Variants in COL24A1 observed in about 807,000 individuals in gnomAD.
COL24A1 encodes collagen type XXIV alpha 1 chain.
Under a neutral mutation model 253.9 loss-of-function variants are expected in COL24A1, and 224 were observed. The observed-to-expected ratio is 0.88, with a 90% CI of 0.79 to 0.99. The LOEUF (loss-of-function observed/expected upper bound fraction) is 0.99. Ranked by LOEUF, COL24A1 falls within the 50% of genes least tolerant of loss-of-function variation. The pLI, the probability that COL24A1 is intolerant of heterozygous loss-of-function variation, is 0.00. For synonymous variants in COL24A1, 685 were observed against 673.7 expected, an observed-to-expected ratio of 1.02 and a Z score of -0.26; for missense variants, 2,131 against 2,068.5, an observed-to-expected ratio of 1.03 and a Z score of -0.59.
At chr1:86,036,535 A>G (rs1241378891) in intron 12 of COL24A1, among the ~76,000 whole-genome samples, 1 of 152,100 alleles carries the variant, frequency 6.6e-6, no homozygotes, top group Non-Finnish European at 1.5e-5. Context: ...CATCATACCA[A>G]TGTTTTATAT....
chr1:85,756,406 AAG>A (rs1301919912), intron 55 of COL24A1, among the ~76,000 whole-genome samples: 63 of 152,052 alleles, frequency 4.1e-4, no homozygotes, highest in Non-Finnish European at 1.2e-4. Context: ...GCAACACAGC[AAG>A]AGTCTGTCTC....
At chr1:85,933,095 A>G (rs1687925141) in intron 24 of COL24A1, among the ~76,000 whole-genome samples, 2 of 92,556 alleles carry the variant, frequency 2.2e-5, no homozygotes, top group Admixed American at 9.8e-5. Context: ...AATAAAAAAA[A>G]AAAAAAGAAA....
At chr1:86,023,047 A>G (rs1462971786) in intron 14 of COL24A1, 40 bp from the exon 15 acceptor site, 3 of 1,578,646 alleles carry the variant, frequency 1.9e-6, no homozygotes, top group Non-Finnish European at 2.6e-6. Context: ...TTAAGCATTC[A>G]TTAGGATTAG....
intron 43 of COL24A1, among the ~76,000 whole-genome samples, chr1:85,825,066 C>T (rs898886951): frequency 4.1e-5 from 6 of 145,426 alleles, no homozygotes; most frequent in African/African-American, 7.6e-5. Context: ...AATGCTATCC[C>T]TCTCCCCTCC....
Position 85,819,026 on chromosome 1 carries a change from G to C in COL24A1, c.3790-939C>G, listed in dbSNP as rs1046896935. Among the ~76,000 whole-genome samples the C allele has an allele frequency of 2.0e-5, 3 of 152,182 alleles. No individual in the cohort carries two copies. In the South Asian group the frequency reaches 6.2e-4, roughly 31 times the overall value. On this transcript the variant is annotated intron_variant, in intron 45 of 59. Transcript: ENST00000370571. ...TAGTATATGTTGTCACAGAGAAAAA[G>C]AGCATCTTCTCTAAGAGATAAAAAT...
At chr1:85,785,734 G>A (rs1278136618) in intron 48 of COL24A1, among the ~76,000 whole-genome samples, 1 of 152,156 alleles carries the variant, frequency 6.6e-6, no homozygotes, top group Non-Finnish European at 1.5e-5. Context: ...CAGGTTAAGA[G>A]GTAATAATGG....
chr1:85,865,798 T>A (rs533544937), intron 37 of COL24A1, among the ~76,000 whole-genome samples: 11 of 152,266 alleles, frequency 7.2e-5, no homozygotes, highest in Admixed American at 3.9e-4. Context: ...AGGAAGATAA[T>A]CACACTTTCT....
chr1:86,070,813 C>A (rs1701823096), intron 7 of COL24A1, among the ~76,000 whole-genome samples: 1 of 151,910 alleles, frequency 6.6e-6, no homozygotes, highest in Non-Finnish European at 1.5e-5. Flanking sequence ...AACACCAGAC[C>A]TGTCCTACAA....
intron 24 of COL24A1, among the ~76,000 whole-genome samples, chr1:85,922,088 T>C (rs1467650202): frequency 1.3e-5 from 2 of 151,432 alleles, no homozygotes; most frequent in Admixed American, 1.3e-4. Context: ...ATCAAATTAA[T>C]GAAATAAAGC....
chr1:85,892,668 C>A (rs1033904656), intron 31 of COL24A1, among the ~76,000 whole-genome samples: 1 of 151,796 alleles, frequency 6.6e-6, no homozygotes. Flanking sequence ...CTTTGCAATG[C>A]GTAGTTTAAA....
intron 5 of COL24A1, among the ~76,000 whole-genome samples, chr1:86,098,396 A>G (rs1263062826): frequency 2.9e-5 from 3 of 102,046 alleles, no homozygotes; most frequent in African/African-American, 1.0e-4. Context: ...AGCTTCCCCC[A>G]AATGCTGGAT....
chr1:85,839,078 T>C (rs1409737793), intron 42 of COL24A1, among the ~76,000 whole-genome samples: 2 of 151,882 alleles, frequency 1.3e-5, no homozygotes, highest in African/African-American at 4.8e-5. Flanking sequence ...TATGTGACTA[T>C]AGTCCCAGCT....
intron 5 of COL24A1, among the ~76,000 whole-genome samples, chr1:86,094,424 T>C (rs1703747040): frequency 6.6e-6 from 1 of 151,872 alleles, no homozygotes; most frequent in Non-Finnish European, 1.5e-5. Context: ...TTCTCACTTA[T>C]AAGTGAGAGC....
chr1:85,984,411 A>AT (rs1339108410), intron 20 of COL24A1, among the ~76,000 whole-genome samples: 1 of 151,754 alleles, frequency 6.6e-6, no homozygotes, highest in Admixed American at 6.6e-5. Context: ...AATTATGATT[A>AT]TTTTTTATCT....
At chr1:85,754,488 G>A (rs1211840292) in intron 55 of COL24A1, among the ~76,000 whole-genome samples, 1 of 102,140 alleles carries the variant, frequency 9.8e-6, no homozygotes, top group Non-Finnish European at 1.9e-5. Context: ...GTATACATAT[G>A]TAACTAACCT....
chr1:86,045,350 T>C lies in COL24A1; in HGVS notation c.1950+1475A>G, dbSNP rs182750736. On this transcript the variant is annotated intron_variant, in intron 12 of 59. Transcript: ENST00000370571. ...CATTTTAAGCATTGGAAGTAATTCGTGTATTATGGCAGATGATTTTATTGG... is the reference window on the plus strand; with the variant it reads ...CATTTTAAGCATTGGAAGTAATTCGCGTATTATGGCAGATGATTTTATTGG... Among the ~76,000 whole-genome samples, 466 of 152,290 alleles carry C rather than the reference T, an allele frequency of 3.1e-3. 1 individual carries two copies. Among genetic ancestry groups the C allele is most frequent in the African/African-American group, 9.2e-3 (383 of 41,560 alleles).
At position 85,847,709 on chromosome 1, in the gene COL24A1, CA is replaced by C; in HGVS notation, c.3417del (p.Ile1139MetfsTer19). On this transcript the variant is annotated frameshift_variant, in exon 39 of 60. Coordinates refer to ENST00000370571, the MANE Select transcript of COL24A1 (RefSeq NM_152890.7). LOFTEE classifies it high-confidence loss of function. Reference protein sequence around the residue: ...EVGSRGPPGKIGKSGPKGARG... With the variant: ...EVGSRGPPGKXGKSGPKGARG... ...CTGGCACCCTTAGGACCACTTTTCCCAATTTTTCCAGGAGGACCTCTGCTTC... is the reference window on the plus strand; with the variant it reads ...CTGGCACCCTTAGGACCACTTTTCCCATTTTTCCAGGAGGACCTCTGCTTC... 1 of 1,613,868 alleles carries C rather than the reference CA, an allele frequency of 6.2e-7. No individual in the cohort carries two copies. Among genetic ancestry groups the C allele is most frequent in the Non-Finnish European group, 8.5e-7 (1 of 1,179,872 alleles).
At chr1:86,093,614 C>T (rs537494473) in intron 5 of COL24A1, among the ~76,000 whole-genome samples, 11 of 151,724 alleles carry the variant, frequency 7.3e-5, no homozygotes, top group East Asian at 3.9e-4. Flanking sequence ...CAAAGGCAAT[C>T]GCAAAAAAAC....
intron 24 of COL24A1, among the ~76,000 whole-genome samples, chr1:85,927,049 G>T (rs1035353747): frequency 6.6e-6 from 1 of 152,106 alleles, no homozygotes; most frequent in Admixed American, 6.6e-5. Flanking sequence ...TTGCCAAAGG[G>T]TTAAGAATGT....
Sources: gnomAD v4.1 joint callset for allele counts (sites outside exome capture counted in the v4.1 genomes callset) on GRCh38, gnomAD v4.1.1 for gene constraint, MANE v1.5 for transcripts, NCBI Gene and HGNC (gene_info 2026-07-23, HGNC 2026-07-21) for gene names.